ARHGAP15: variants seen among roughly 807,000 people sequenced by gnomAD.
The protein encoded by ARHGAP15 is rho GTPase-activating protein 15.
ARHGAP15 carries 51 observed loss-of-function variants against 63.7 expected under a neutral mutation model. The observed-to-expected ratio is 0.80, with a 90% CI of 0.64 to 1.01. The LOEUF is 1.01. Ranked by LOEUF, ARHGAP15 falls within the 50% of genes least tolerant of loss-of-function variation. The probability of loss-of-function intolerance (pLI) is 0.00; values close to 1 mark genes in which losing one functional copy is unlikely to be tolerated. For missense variants in ARHGAP15, 560 were observed against 564.6 expected (o/e 0.99, Z 0.08); for synonymous variants, 191 against 193.8 (o/e 0.99, Z 0.12).
intron 6 of ARHGAP15, among the ~76,000 whole-genome samples, chr2:143,307,919 G>A (rs941471421): frequency 6.6e-6 from 1 of 152,046 alleles, no homozygotes; most frequent in African/African-American, 2.4e-5. Flanking sequence ...TTGTTGAAAA[G>A]CCTTAGTTTT....
chr2:143,331,500 T>A (rs1175380610), intron 6 of ARHGAP15, among the ~76,000 whole-genome samples: 1 of 152,178 alleles, frequency 6.6e-6, no homozygotes, highest in Non-Finnish European at 1.5e-5. Context: ...GCAGAGCACA[T>A]AATGAGTAAC....
At chr2:143,553,106 A>G (rs1695644219) in intron 10 of ARHGAP15, among the ~76,000 whole-genome samples, 1 of 152,188 alleles carries the variant, frequency 6.6e-6, no homozygotes, top group African/African-American at 2.4e-5. Context: ...TAATTTGGGT[A>G]ATAGTCCTAG....
chr2:143,460,273 G>A (rs1690872576), intron 8 of ARHGAP15, among the ~76,000 whole-genome samples: 1 of 152,050 alleles, frequency 6.6e-6, no homozygotes, highest in Non-Finnish European at 1.5e-5. Context: ...ATGAATATTT[G>A]GCTCTTCTCT....
intron 12 of ARHGAP15, among the ~76,000 whole-genome samples, chr2:143,666,771 A>C (rs1682216388): frequency 1.4e-5 from 2 of 147,884 alleles, no homozygotes; most frequent in Admixed American, 1.3e-4. Context: ...ACATGAACAG[A>C]GACTTCTCAA....
At chr2:143,340,526 T>TC (rs1435598121) in intron 6 of ARHGAP15, among the ~76,000 whole-genome samples, 1 of 67,686 alleles carries the variant, frequency 1.5e-5, no homozygotes, top group Non-Finnish European at 4.0e-5. Flanking sequence ...AGATTTTTTC[T>TC]CTTTTTTTTT....
intron 6 of ARHGAP15, among the ~76,000 whole-genome samples, chr2:143,402,421 G>T (rs1326001883): frequency 2.6e-5 from 4 of 151,774 alleles, no homozygotes; most frequent in African/African-American, 9.7e-5. Flanking sequence ...TACTAGGGAA[G>T]ATTTAGCTTC....
chr2:143,545,760 C>A (rs1416048729), intron 10 of ARHGAP15, among the ~76,000 whole-genome samples: 8 of 150,876 alleles, frequency 5.3e-5, no homozygotes, highest in Non-Finnish European at 8.9e-5. Context: ...TTTTTTTTTC[C>A]TACGTCTTCA....
intron 4 of ARHGAP15, among the ~76,000 whole-genome samples, chr2:143,223,107 G>A (rs879500416): frequency 1.3e-5 from 2 of 152,098 alleles, no homozygotes; most frequent in African/African-American, 4.8e-5. Context: ...CTCCCAAGTA[G>A]CTGGGATTAC....
intron 4 of ARHGAP15, among the ~76,000 whole-genome samples, chr2:143,224,986 T>C (rs1292549490): frequency 6.6e-6 from 1 of 151,920 alleles, no homozygotes; most frequent in Non-Finnish European, 1.5e-5. Flanking sequence ...TAAGTGGGAG[T>C]TGAACAGTAT....
chr2:143,763,694 GTATGTGTATGTA>G (rs138223138), intron 13 of ARHGAP15, among the ~76,000 whole-genome samples: 7,372 of 142,480 alleles, frequency 0.052, 341 homozygotes, highest in East Asian at 0.18. Flanking sequence ...ATATGTATAT[GTATGTGTATGTA>G]TATGTGTATG....
chr2:143,539,859 G>T (rs931398033), intron 10 of ARHGAP15, among the ~76,000 whole-genome samples: 18 of 152,056 alleles, frequency 1.2e-4, no homozygotes, highest in Admixed American at 3.3e-4. Flanking sequence ...ATATTCTGTT[G>T]ACTTGTGGTG....
intron 13 of ARHGAP15, among the ~76,000 whole-genome samples, chr2:143,728,967 G>T (rs1685411038): frequency 6.6e-6 from 1 of 152,198 alleles, no homozygotes; most frequent in Non-Finnish European, 1.5e-5. Context: ...TGCAGTGAAA[G>T]CCACAGAGCT....
At chr2:143,245,795 G>T (rs1472988161) in intron 5 of ARHGAP15, among the ~76,000 whole-genome samples, 1 of 152,166 alleles carries the variant, frequency 6.6e-6, no homozygotes, top group African/African-American at 2.4e-5. Context: ...GGCAGAAGGA[G>T]TATCTCTTCC....
intron 12 of ARHGAP15, among the ~76,000 whole-genome samples, chr2:143,650,048 T>A (rs948972968): frequency 6.6e-6 from 1 of 151,908 alleles, no homozygotes; most frequent in African/African-American, 2.4e-5. Context: ...TGTTGGAGGT[T>A]TTTTTTCTTC....
intron 6 of ARHGAP15, among the ~76,000 whole-genome samples, chr2:143,270,163 G>A (rs1014519539): frequency 6.6e-6 from 1 of 151,960 alleles, no homozygotes; most frequent in Non-Finnish European, 1.5e-5. Flanking sequence ...GTAGAGATGG[G>A]GTTTGCCACG....
intron 12 of ARHGAP15, among the ~76,000 whole-genome samples, chr2:143,645,730 G>A (rs983366165): frequency 2.0e-5 from 3 of 152,010 alleles, no homozygotes; most frequent in African/African-American, 7.2e-5. Flanking sequence ...CGATACTATT[G>A]AAGCATCACG....
chr2:143,715,868 G>C (rs1684787822), intron 13 of ARHGAP15, among the ~76,000 whole-genome samples: 1 of 152,186 alleles, frequency 6.6e-6, no homozygotes, highest in African/African-American at 2.4e-5. Flanking sequence ...TTACATTTAA[G>C]TCTTTAATCC....
chr2:143,526,414 G>C (rs1422728594), intron 10 of ARHGAP15, among the ~76,000 whole-genome samples: 1 of 151,426 alleles, frequency 6.6e-6, no homozygotes, highest in African/African-American at 2.5e-5. Flanking sequence ...TAAAGTTTAG[G>C]TTCTTAACAT....
intron 8 of ARHGAP15, among the ~76,000 whole-genome samples, chr2:143,443,151 G>A (rs1197215926): frequency 6.6e-6 from 1 of 152,054 alleles, no homozygotes. Flanking sequence ...TGTTCTGGAG[G>A]CTCATATAAA....
Sources: gnomAD v4.1 joint callset for allele counts (sites outside exome capture counted in the v4.1 genomes callset) on GRCh38, gnomAD v4.1.1 for gene constraint, MANE v1.5 for transcripts, NCBI Gene and HGNC (gene_info 2026-07-23, HGNC 2026-07-21) for gene names.